The following DYNLL1 variants were observed in gnomAD, a reference collection of about 807,000 sequenced individuals.
DYNLL1 encodes the protein dynein light chain 1, cytoplasmic.
In DYNLL1, 3 loss-of-function variants were observed where a neutral mutation model predicts 10.1. The observed-to-expected ratio is 0.30, with a 90% CI of 0.14 to 0.77. The LOEUF is 0.77. Among genes scored for constraint, DYNLL1 ranks in the 30% least tolerant of loss-of-function variants. DYNLL1 has a pLI of 0.66. For missense variants in DYNLL1, 47 were observed against 111.7 expected (o/e 0.42, Z 2.61); for synonymous variants, 46 against 41.2 (o/e 1.12, Z -0.45).
At chr12:120,472,622 C>A (rs78034457) in intron 1 of DYNLL1, among the ~76,000 whole-genome samples, 4,452 of 152,224 alleles carry the variant, frequency 0.029, 231 homozygotes, top group African/African-American at 0.1. Context: ...GACAATTGGG[C>A]AGTCTCCTAG....
At chr12:120,488,240 C>G (rs1330643817) in intron 1 of DYNLL1, 1 of 152,396 alleles carries the variant, frequency 6.6e-6, no homozygotes, top group African/African-American at 2.4e-5. Flanking sequence ...AACAGCTTCT[C>G]TGGAGCCAAG....
chr12:120,486,602 T>C (rs758827097), intron 1 of DYNLL1, among the ~76,000 whole-genome samples: 1 of 152,048 alleles, frequency 6.6e-6, no homozygotes, highest in Non-Finnish European at 1.5e-5. Context: ...CCTGAGTAGC[T>C]GGAACTACCG....
At chr12:120,491,151 G>A (rs1394006296), upstream of DYNLL1, 1 of 152,498 alleles carries the variant, frequency 6.6e-6, no homozygotes, top group Admixed American at 6.5e-5. Context: ...GAGAGCTGAG[G>A]GGGCCTGTTA....
chr12:120,487,992 T>C (rs616157), intron 1 of DYNLL1: 26,362 of 152,210 alleles, frequency 0.17, 2,546 homozygotes, highest in Middle Eastern at 0.24. Flanking sequence ...TAGATAATAT[T>C]ATGAAGAATT....
chr12:120,473,313 C>G (rs1360107529), intron 1 of DYNLL1, among the ~76,000 whole-genome samples: 1 of 152,062 alleles, frequency 6.6e-6, no homozygotes, highest in African/African-American at 2.4e-5. Flanking sequence ...AATCCCAGCA[C>G]TTTGGGAGGC....
chr12:120,496,832 C>T (rs1172508395), intron 2 of DYNLL1: 4 of 595,982 alleles, frequency 6.7e-6, no homozygotes, highest in South Asian at 2.1e-5. Flanking sequence ...GCGGTTCCCC[C>T]TTCTGTGTGG....
At chr12:120,492,786 G>C (rs997689995), upstream of DYNLL1, among the ~76,000 whole-genome samples, 2 of 152,174 alleles carry the variant, frequency 1.3e-5, no homozygotes, top group African/African-American at 4.8e-5. This position sits in a 1 kb window ranked among gnomAD's most constrained non-coding sequence, Gnocchi z 4.1. Context: ...AGTAGATATA[G>C]TAAGTTGCCA....
upstream of DYNLL1, among the ~76,000 whole-genome samples, chr12:120,494,826 C>T (rs1319863123): frequency 6.6e-6 from 1 of 152,040 alleles, no homozygotes; most frequent in African/African-American, 2.4e-5. Context: ...AGGAAGCTTC[C>T]AGATACATGA....
intron 1 of DYNLL1, among the ~76,000 whole-genome samples, chr12:120,485,224 A>G (rs959067049): frequency 3.4e-4 from 51 of 149,364 alleles, no homozygotes; most frequent in African/African-American, 1.1e-3. Context: ...TTAAAAATAC[A>G]TAAGTAAATA....
chr12:120,481,357 C>T (rs896227583), intron 1 of DYNLL1, among the ~76,000 whole-genome samples: 2 of 152,142 alleles, frequency 1.3e-5, no homozygotes, highest in African/African-American at 4.8e-5. Flanking sequence ...GACTGAGTCC[C>T]ACAAGACCGC....
chr12:120,480,414 A>G (rs745348542), intron 1 of DYNLL1, among the ~76,000 whole-genome samples: 19 of 152,168 alleles, frequency 1.2e-4, no homozygotes, highest in Admixed American at 2.0e-4. Flanking sequence ...CCTAGAGACA[A>G]CACCATCTCC....
intron 1 of DYNLL1, among the ~76,000 whole-genome samples, chr12:120,481,870 CAG>C (rs1878885867): frequency 6.6e-6 from 1 of 152,164 alleles, no homozygotes; most frequent in South Asian, 2.1e-4. Flanking sequence ...GTTTTAGAGA[CAG>C]GGGTCTCGCT....
chr12:120,476,409 TC>T (rs1244290328), intron 1 of DYNLL1, among the ~76,000 whole-genome samples: 3 of 152,096 alleles, frequency 2.0e-5, no homozygotes, highest in Non-Finnish European at 2.9e-5. Context: ...TGGCTGAACT[TC>T]CTTCTGTCTG....
At chr12:120,481,533 T>C (rs1878879007) in intron 1 of DYNLL1, among the ~76,000 whole-genome samples, 1 of 152,190 alleles carries the variant, frequency 6.6e-6, no homozygotes, top group Non-Finnish European at 1.5e-5. Flanking sequence ...CAGTTTATTA[T>C]AAAGGATACA....
intron 1 of DYNLL1, among the ~76,000 whole-genome samples, chr12:120,486,272 T>C (rs1275568899): frequency 6.6e-6 from 1 of 152,150 alleles, no homozygotes; most frequent in African/African-American, 2.4e-5. Context: ...GCTAATGAAA[T>C]AATACCTTTG....
At chr12:120,482,877 G>A (rs185316067) in intron 1 of DYNLL1, among the ~76,000 whole-genome samples, 136 of 151,964 alleles carry the variant, frequency 8.9e-4, no homozygotes, top group East Asian at 4.9e-3. Flanking sequence ...CCATGAGTTC[G>A]AGACCAGCCT....
intron 1 of DYNLL1, among the ~76,000 whole-genome samples, chr12:120,478,096 G>GT (rs112506685): frequency 0.051 from 6,840 of 133,720 alleles, 522 homozygotes; most frequent in African/African-American, 0.17. Flanking sequence ...CCGGCCAAAA[G>GT]TTTTTTTTTT....
intron 1 of DYNLL1, among the ~76,000 whole-genome samples, chr12:120,478,908 C>T (rs1176260195): frequency 6.7e-6 from 1 of 148,958 alleles, no homozygotes; most frequent in Non-Finnish European, 1.5e-5. Flanking sequence ...TGGTCTTGAA[C>T]TCCTGACCTC....
intron 2 of DYNLL1, chr12:120,496,879 G>C (rs1055301536): frequency 2.1e-5 from 11 of 527,586 alleles, no homozygotes; most frequent in Admixed American, 7.4e-5. Flanking sequence ...GTTCCGGAGG[G>C]GGGAGCTGCG....
Sources: allele counts gnomAD v4.1 joint callset (sites outside exome capture counted in the v4.1 genomes callset), GRCh38; gene constraint gnomAD v4.1.1; non-coding constraint Gnocchi (gnomAD v3.1); transcripts MANE v1.5; gene names NCBI Gene and HGNC (gene_info 2026-07-23, HGNC 2026-07-21).